PITPNM2: variants seen among roughly 807,000 people sequenced by gnomAD.
The protein encoded by PITPNM2 is phosphatidylinositol transfer protein membrane associated 2.
A neutral mutation model predicts 132.2 loss-of-function variants in PITPNM2; 35 were observed. The ratio of observed to expected loss-of-function variants is 0.26; its 90% CI spans 0.20 to 0.35. The LOEUF (loss-of-function observed/expected upper bound fraction) is 0.35, where lower values mean the gene tolerates loss of function less well. PITPNM2 is among the 10% of genes least tolerant of loss of function. The pLI is 1.00. For missense variants in PITPNM2, 1,332 were observed against 1,912.0 expected, an observed-to-expected ratio of 0.70 and a Z score of 5.66; for synonymous variants, 738 against 799.2, an observed-to-expected ratio of 0.92 and a Z score of 1.29.
intron 14 of PITPNM2, 90 bp downstream of exon 14, chr12:122,995,299 T>A (rs1411969033): frequency 4.0e-6 from 6 of 1,489,206 alleles, no homozygotes. Flanking sequence ...ACAGCCCGGG[T>A]CTCCTGTTGG....
rs1215622762 is a variant in PITPNM2 at position 123,004,449 on chromosome 12, C to G, written c.993G>C (p.Gln331His). The change falls in exon 8 of 26, where the codon CAG (glutamine) becomes CAC (histidine). Residue 331 changes from glutamine to histidine, a missense_variant. Transcript: ENST00000320201. This position sits in a 1 kb window ranked among gnomAD's most constrained non-coding sequence, Gnocchi z 4.9. ...SRHSISEWRM[Q>H]SIARDSDESS... ...TCTCATCCGAGTCCCTGGCAATACT[C>G]TGCATCCTCCACTCTGAGATGCTGT... The G allele has an allele frequency of 1.2e-6, 2 of 1,614,036 alleles. No individual in the cohort carries two copies. Among genetic ancestry groups the G allele is most frequent in the Non-Finnish European group, 1.7e-6 (2 of 1,180,038 alleles).
chr12:123,088,884 T>C (rs1211791621), intron 2 of PITPNM2: 1 of 152,262 alleles, frequency 6.6e-6, no homozygotes, highest in Non-Finnish European at 1.5e-5. Flanking sequence ...TGCACTCATG[T>C]TGCTGCCTCC....
Position 122,988,311 on chromosome 12 carries a change from C to T in PITPNM2, c.2920G>A (p.Gly974Ser). 1 of 1,613,502 alleles carries T rather than the reference C, an allele frequency of 6.2e-7. No homozygotes were observed. Among genetic ancestry groups the T allele is most frequent in the Non-Finnish European group, 8.5e-7 (1 of 1,180,000 alleles). ...GGGGTGAACACCGACACTTCCTTGC[C>T]ATCCAGCTCCAAGATGCTGGAGTTG... ...HDNSSILELDGKEVSVFTPSK... is the reference protein window; with the variant it reads ...HDNSSILELDSKEVSVFTPSK... The change falls in exon 20 of 26, where the codon GGC (glycine) becomes AGC (serine). Residue 974 changes from glycine to serine, a missense_variant. Around this residue, in one of 6 missense-constraint regions of PITPNM2, gnomAD observed 251 missense variants for 472.0 expected, o/e 0.53. Coordinates refer to ENST00000320201, the MANE Select transcript of PITPNM2 (RefSeq NM_020845.3).
Position 123,117,986 on chromosome 12 carries a change from C to T in PITPNM2, c.-199-7498G>A, listed in dbSNP as rs147851315. Among the ~76,000 whole-genome samples, 442 of 152,318 alleles carry T rather than the reference C, an allele frequency of 2.9e-3. 3 individuals are homozygous for T. The highest frequency in any genetic ancestry group is 0.011 in the East Asian group (55 of 5,184). On this transcript the variant is annotated intron_variant, in intron 1 of 25. Transcript: ENST00000320201. This position sits in a 1 kb window ranked among gnomAD's most constrained non-coding sequence, Gnocchi z 4.7. ...TCACTGGAGAACTCCAGGGGAGCCC[C>T]AAGGGATGGGAGAGCCACAGTGTGA... is the stretch of plus-strand genomic sequence containing the variant.
In PITPNM2 at chr12:123,099,481, G is replaced by A. The variant is rs894330460; in HGVS notation, c.-96+10904C>T. On this transcript the variant is annotated intron_variant, in intron 2 of 25. Coordinates refer to ENST00000320201, the MANE Select transcript of PITPNM2 (RefSeq NM_020845.3). The surrounding 1 kb of genome is among the most constrained non-coding windows in gnomAD (Gnocchi z 4.2). The stretch of plus-strand genomic sequence containing the variant: ...TGCCTGTGGGCTGACGAAGCCCTGG[G>A]GGCTCTGGGCCCTACCTGCAGCACT... 1.7e-4 allele frequency among the ~76,000 whole-genome samples: 26 copies of A among 152,154 alleles called. No homozygotes were observed. Among genetic ancestry groups the A allele is most frequent in the Admixed American group, 1.6e-3 (25 of 15,276 alleles).
intron 1 of PITPNM2, among the ~76,000 whole-genome samples, chr12:123,146,345 A>G (rs2043618302): frequency 6.6e-6 from 1 of 152,124 alleles, no homozygotes. Context: ...CTGTAATACC[A>G]GCACTTTGGG....
At chr12:123,129,214 TCCCTTAAGCCCAGGAG>T (rs1237282040) in intron 1 of PITPNM2, among the ~76,000 whole-genome samples, 1 of 151,654 alleles carries the variant, frequency 6.6e-6, no homozygotes, top group East Asian at 1.9e-4. Context: ...GGCAGGGGAA[TCCCTTAAGCCCAGGAG>T]TTCAAGGCCA....
chr12:122,987,137 G>A, intron 23 of PITPNM2, 144 bp downstream of exon 23: 1 of 1,194,918 alleles, frequency 8.4e-7, no homozygotes, highest in South Asian at 1.4e-5. Context: ...GGGGTGCTGG[G>A]CTCTGAACTG....
At chr12:122,999,478 C>T (rs2038566092) in intron 10 of PITPNM2, among the ~76,000 whole-genome samples, 2 of 152,178 alleles carry the variant, frequency 1.3e-5, no homozygotes, top group South Asian at 2.1e-4. Flanking sequence ...GAAGAAATGT[C>T]TTACGCAGCC....
In PITPNM2 at chr12:123,064,756, A is replaced by C. The variant is rs956778908; in HGVS notation, c.-95-30071T>G. Among the ~76,000 whole-genome samples, 8 of 152,200 alleles carry C rather than the reference A, an allele frequency of 5.3e-5. No homozygotes were observed. The highest frequency in any genetic ancestry group is 1.0e-4 in the Non-Finnish European group (7 of 68,040). On this transcript the variant is annotated intron_variant, in intron 2 of 25. Coordinates refer to ENST00000320201, the MANE Select transcript of PITPNM2 (RefSeq NM_020845.3). This position sits in a 1 kb window ranked among gnomAD's most constrained non-coding sequence, Gnocchi z 4.0. ...CACATCACCCTCACCCTGCAAAAAA[A>C]AGCTAGTGGGAAACAAACAACACAA...
chr12:123,084,565 C>A (rs943506487), intron 2 of PITPNM2: 4 of 152,236 alleles, frequency 2.6e-5, no homozygotes, highest in Admixed American at 6.5e-5. Flanking sequence ...CCAGAAAGAG[C>A]CCCTCCGCTG....
chr12:122,984,283 C>G lies in PITPNM2; in HGVS notation c.*1744G>C, dbSNP rs2037846039. ...GATGGCTGGTCTCCCAGGCAGCAGG[C>G]AAGACAGGATAAGGTGGGGCCAAGA... is the stretch of plus-strand genomic sequence containing the variant. On this transcript the variant is annotated 3_prime_UTR_variant, in exon 26 of 26. Coordinates refer to ENST00000320201, the MANE Select transcript of PITPNM2 (RefSeq NM_020845.3). 1 of 152,646 alleles carries G rather than the reference C, an allele frequency of 6.6e-6. No homozygotes were observed. The highest frequency in any genetic ancestry group is 6.5e-5 in the Admixed American group (1 of 15,282). 9.5% of individuals were successfully genotyped at this position (152,646 alleles called of 1,614,324 possible).
intron 2 of PITPNM2, among the ~76,000 whole-genome samples, chr12:123,073,028 C>T (rs560393163): frequency 5.9e-5 from 9 of 152,324 alleles, no homozygotes; most frequent in African/African-American, 2.2e-4. Context: ...TGCCCCCCTC[C>T]CCAGAGCTCC....
chr12:123,021,172 C>T (rs1475775443), intron 3 of PITPNM2, among the ~76,000 whole-genome samples: 2 of 152,124 alleles, frequency 1.3e-5, no homozygotes, highest in Non-Finnish European at 2.9e-5. Flanking sequence ...CCCACCCTGC[C>T]CATGGGCTGA....
intron 2 of PITPNM2, among the ~76,000 whole-genome samples, chr12:123,042,823 C>G (rs2040540351): frequency 6.6e-6 from 1 of 152,170 alleles, no homozygotes; most frequent in Non-Finnish European, 1.5e-5. Context: ...CCCTAACCAT[C>G]TATGTGTATC....
Position 123,056,264 on chromosome 12 carries a change from C to T in PITPNM2, c.-95-21579G>A, listed in dbSNP as rs568026344. Among the ~76,000 whole-genome samples the T allele has an allele frequency of 9.8e-5, 15 of 152,350 alleles. No homozygotes were observed. In the East Asian group the frequency reaches 2.7e-3, roughly 27 times the overall value. On this transcript the variant is annotated intron_variant, in intron 2 of 25. Coordinates refer to ENST00000320201, the MANE Select transcript of PITPNM2 (RefSeq NM_020845.3). ...GGCATGACAGTGGCCTCAGAGTACT[C>T]GTCTGAGAAGAAGAGCTATCACCTG...
chr12:123,085,186 T>C (rs1314016578), intron 2 of PITPNM2, among the ~76,000 whole-genome samples: 1 of 152,138 alleles, frequency 6.6e-6, no homozygotes, highest in Admixed American at 6.5e-5. Context: ...TGCAAACAGG[T>C]AGATCCAGGA....
At chr12:123,054,234 C>A (rs1181008178) in intron 2 of PITPNM2, among the ~76,000 whole-genome samples, 1 of 152,172 alleles carries the variant, frequency 6.6e-6, no homozygotes, top group African/African-American at 2.4e-5. Context: ...CACCTAGAAA[C>A]CTTTCTACCT....
intron 2 of PITPNM2, among the ~76,000 whole-genome samples, chr12:123,068,816 A>G (rs1012740004): frequency 6.6e-6 from 1 of 152,178 alleles, no homozygotes; most frequent in East Asian, 1.9e-4. Flanking sequence ...CCCCAACACC[A>G]TAGGCTCTGC....
Sources: allele counts gnomAD v4.1 joint callset (sites outside exome capture counted in the v4.1 genomes callset), GRCh38; gene constraint gnomAD v4.1.1; regional missense constraint gnomAD v4.1.1; non-coding constraint Gnocchi (gnomAD v3.1); transcripts MANE v1.5; gene names NCBI Gene and HGNC (gene_info 2026-07-23, HGNC 2026-07-21).